Variants in THSD7B observed in about 807,000 individuals in gnomAD.
THSD7B encodes thrombospondin type 1 domain containing 7B, also known as thrombospondin type-1 domain-containing protein 7B.
THSD7B carries 138 observed loss-of-function variants against 213.6 expected under a neutral mutation model. That is an observed-to-expected ratio of 0.65 (90% confidence interval 0.56 to 0.74). The LOEUF (loss-of-function observed/expected upper bound fraction) is 0.74. Among genes scored for constraint, THSD7B ranks in the 30% least tolerant of loss-of-function variants. THSD7B has a pLI of 0.00. For missense variants in THSD7B, 1,931 were observed against 1,991.5 expected (o/e 0.97, Z 0.58); for synonymous variants, 742 against 687.0 (o/e 1.08, Z -1.25).
chr2:137,220,959 G>T (rs1215875079), intron 7 of THSD7B, among the ~76,000 whole-genome samples: 2 of 152,086 alleles, frequency 1.3e-5, no homozygotes, highest in African/African-American at 4.8e-5. Context: ...TTATATATAT[G>T]ACATTCTGGG....
At chr2:137,329,078 C>T (rs565947064) in intron 12 of THSD7B, among the ~76,000 whole-genome samples, 3 of 152,278 alleles carry the variant, frequency 2.0e-5, no homozygotes, top group East Asian at 1.9e-4. Context: ...AACTGGGTAA[C>T]AGGCAGAGAC....
intron 5 of THSD7B, among the ~76,000 whole-genome samples, chr2:137,136,322 G>A (rs1224033494): frequency 1.3e-5 from 2 of 152,132 alleles, no homozygotes; most frequent in Non-Finnish European, 2.9e-5. Context: ...AAATGAATTT[G>A]GAGGAATGAG....
At chr2:137,114,089 G>A (rs1191224614) in intron 4 of THSD7B, among the ~76,000 whole-genome samples, 1 of 152,104 alleles carries the variant, frequency 6.6e-6, no homozygotes, top group East Asian at 1.9e-4. Flanking sequence ...TCTAGTTTTT[G>A]TAAAGCCAGG....
At chr2:137,015,259 T>C (rs374243348) in intron 2 of THSD7B, among the ~76,000 whole-genome samples, 30 of 152,138 alleles carry the variant, frequency 2.0e-4, no homozygotes, top group Admixed American at 1.9e-3. Flanking sequence ...CCAAGAAATA[T>C]GGCCTTCATT....
intron 15 of THSD7B, among the ~76,000 whole-genome samples, chr2:137,486,763 T>A (rs1688456276): frequency 1.3e-5 from 2 of 152,154 alleles, no homozygotes; most frequent in South Asian, 4.1e-4. Context: ...CCTCAGCAAA[T>A]GTAAAAGAAC....
intron 2 of THSD7B, among the ~76,000 whole-genome samples, chr2:137,020,004 T>G (rs2104842377): frequency 6.6e-6 from 1 of 152,270 alleles, no homozygotes; most frequent in East Asian, 1.9e-4. Flanking sequence ...TTTGTGAGGA[T>G]TAAGTTAGGG....
chr2:137,045,528 T>C (rs1229266236), intron 2 of THSD7B, among the ~76,000 whole-genome samples: 1 of 152,196 alleles, frequency 6.6e-6, no homozygotes, highest in African/African-American at 2.4e-5. Flanking sequence ...GAATTTTCCA[T>C]TTAGTATTTG....
chr2:136,978,615 T>A (rs576824584), intron 2 of THSD7B, among the ~76,000 whole-genome samples: 37 of 152,310 alleles, frequency 2.4e-4, no homozygotes, highest in African/African-American at 8.4e-4. Context: ...AACCCCTGCT[T>A]TTTTCTACTT....
intron 12 of THSD7B, among the ~76,000 whole-genome samples, chr2:137,325,584 C>T (rs1684351817): frequency 6.6e-6 from 1 of 152,124 alleles, no homozygotes; most frequent in Admixed American, 6.5e-5. Flanking sequence ...CTCACAGACA[C>T]ACACACACAC....
chr2:137,190,040 GA>G (rs889147553), intron 7 of THSD7B, among the ~76,000 whole-genome samples: 80 of 152,246 alleles, frequency 5.3e-4, no homozygotes, highest in African/African-American at 1.7e-3. Flanking sequence ...CCCATTTGTG[GA>G]AAGCCAGTCC....
At chr2:137,265,067 A>T (rs1682555152) in intron 10 of THSD7B, among the ~76,000 whole-genome samples, 1 of 152,040 alleles carries the variant, frequency 6.6e-6, no homozygotes, top group Admixed American at 6.6e-5. Flanking sequence ...TATGAGTGAG[A>T]ATATGCAGTG....
At chr2:136,813,793 T>C (rs1402033459) in intron 1 of THSD7B, among the ~76,000 whole-genome samples, 1 of 152,230 alleles carries the variant, frequency 6.6e-6, no homozygotes, top group Admixed American at 6.5e-5. Context: ...ATTTCTCTGC[T>C]TGTGACTCTA....
chr2:137,345,898 T>C (rs1684865706), intron 12 of THSD7B, among the ~76,000 whole-genome samples: 3 of 151,512 alleles, frequency 2.0e-5, no homozygotes, highest in African/African-American at 7.3e-5. Context: ...CACACATATA[T>C]ACACACCCAT....
chr2:137,605,966 C>T (rs181186459), intron 17 of THSD7B, among the ~76,000 whole-genome samples: 4 of 149,706 alleles, frequency 2.7e-5, no homozygotes, highest in East Asian at 3.9e-4. Flanking sequence ...CCATGCCCAG[C>T]TAATTTTTTG....
At chr2:137,586,324 A>G (rs888609708) in intron 17 of THSD7B, among the ~76,000 whole-genome samples, 1 of 152,168 alleles carries the variant, frequency 6.6e-6, no homozygotes, top group African/African-American at 2.4e-5. Flanking sequence ...TGGAGTATTT[A>G]GCCCATTTAC....
chr2:137,671,000 C>G (rs2104830336), intron 27 of THSD7B, among the ~76,000 whole-genome samples: 1 of 150,362 alleles, frequency 6.7e-6, no homozygotes, highest in East Asian at 2.0e-4. Context: ...TATTCAATGT[C>G]TACATCTACC....
chr2:137,353,133 G>T (rs766230310), intron 12 of THSD7B, among the ~76,000 whole-genome samples: 1 of 152,074 alleles, frequency 6.6e-6, no homozygotes, highest in Non-Finnish European at 1.5e-5. Context: ...GATTCAGTCA[G>T]ATTTTCATTT....
At chr2:137,408,891 T>C (rs1196225136) in intron 13 of THSD7B, among the ~76,000 whole-genome samples, 3 of 152,180 alleles carry the variant, frequency 2.0e-5, no homozygotes, top group Non-Finnish European at 4.4e-5. Context: ...AAGTAGGCGT[T>C]AGCTAGCCTA....
chr2:137,651,515 A>T (rs1683136992), intron 21 of THSD7B, among the ~76,000 whole-genome samples: 1 of 151,986 alleles, frequency 6.6e-6, no homozygotes. Context: ...AAAAAAAACA[A>T]AGATTTGATC....
Sources: allele counts gnomAD v4.1 joint callset (sites outside exome capture counted in the v4.1 genomes callset), GRCh38; gene constraint gnomAD v4.1.1; transcripts MANE v1.5; gene names NCBI Gene and HGNC (gene_info 2026-07-23, HGNC 2026-07-21).